The following TCTN1 variants were observed in gnomAD, a reference collection of about 807,000 sequenced individuals.
The protein encoded by TCTN1 is tectonic-1.
In TCTN1, 58 loss-of-function variants were observed where a neutral mutation model predicts 65.8. The observed-to-expected ratio is 0.88, with a 90% CI of 0.71 to 1.10. The LOEUF (loss-of-function observed/expected upper bound fraction) is 1.10. Ranked by LOEUF, TCTN1 falls within the 50% of genes least tolerant of loss-of-function variation. TCTN1 has a pLI of 0.00. For missense variants in TCTN1, 645 were observed against 719.4 expected, an observed-to-expected ratio of 0.90 and a Z score of 1.18; for synonymous variants, 273 against 289.1, an observed-to-expected ratio of 0.94 and a Z score of 0.57.
At chr12:110,646,783 G>C (rs2067333949) in intron 12 of TCTN1, 1 of 236,358 alleles carries the variant, frequency 4.2e-6, no homozygotes, top group South Asian at 5.3e-5. Flanking sequence ...ATTTTAACAT[G>C]ACATGCAATC....
At chr12:110,634,136 A>G (rs1417651729) in intron 5 of TCTN1, among the ~76,000 whole-genome samples, 1 of 152,214 alleles carries the variant, frequency 6.6e-6, no homozygotes, top group African/African-American at 2.4e-5. Flanking sequence ...TATATTGTAC[A>G]TTTGTTTCCA....
rs1309915547 is a variant in TCTN1, at chr12:110,641,673, T to C, written c.1190+46T>C. ...GAGGGTGGATTTATTTCTCTCTCCA[T>C]GTGCGTGGGCTGCACTGCTCTTTAT... is the stretch of plus-strand genomic sequence containing the variant. On this transcript the variant is annotated intron_variant, in intron 10 of 14. Transcript: ENST00000397659. 3.8e-6 allele frequency: 6 copies of C among 1,561,982 alleles called. No individual in the cohort carries two copies. In the African/African-American group the frequency reaches 5.4e-5, roughly 14 times the overall value.
intron 12 of TCTN1, chr12:110,646,449 A>G (rs1202965389): frequency 6.6e-6 from 1 of 152,262 alleles, no homozygotes; most frequent in Middle Eastern, 3.4e-3. Context: ...GAATAGTACC[A>G]TGGAGTCCCC....
intron 4 of TCTN1, chr12:110,629,277 A>G (rs536297926): frequency 1.3e-5 from 4 of 318,524 alleles, no homozygotes; most frequent in Admixed American, 4.6e-5. Context: ...GCTTCTGCAC[A>G]GCAAAAGAAA....
intron 9 of TCTN1, 119 bp from the exon 10 acceptor site, chr12:110,641,423 G>A (rs2066943742): frequency 2.9e-6 from 3 of 1,045,140 alleles, no homozygotes; most frequent in Non-Finnish European, 4.4e-6. Context: ...GAGTAGGGAG[G>A]GAGAAATTCT....
chr12:110,626,422 C>T lies in TCTN1; in HGVS notation c.402C>T (p.Asn134=). Residue 134 remains asparagine (N), a synonymous_variant, in exon 3 of 15, where the codon AAC becomes AAT. Coordinates refer to ENST00000397659, the MANE Select transcript of TCTN1 (RefSeq NM_001082538.3). ...TCTATTCATTGAATTTTACAGCAAA[C>T]CCACCTCAAAGAGTATTTGAACTTG... is the stretch of plus-strand genomic sequence containing the variant. ...AVIYSLNFTA[N]PPQRVFELVD... 1.2e-6 allele frequency: 2 copies of T among 1,610,180 alleles called. No homozygotes were observed. The highest frequency in any genetic ancestry group is 1.7e-5 in the Admixed American group (1 of 59,768).
In TCTN1 at chr12:110,649,196, T is replaced by G. The variant is rs2067660967; in HGVS notation, c.*155T>G. On this transcript the variant is annotated 3_prime_UTR_variant, in exon 15 of 15. Coordinates refer to ENST00000397659, the MANE Select transcript of TCTN1 (RefSeq NM_001082538.3). Reference sequence around the variant, plus strand: ...GTTCAACATGAGAAAATGTGATACATTTGATACAGTGTGGGGTGGGAGTGG... The same window carrying G: ...GTTCAACATGAGAAAATGTGATACAGTTGATACAGTGTGGGGTGGGAGTGG... The G allele has an allele frequency of 8.8e-6, 6 of 684,376 alleles. No individual in the cohort carries two copies. The highest frequency in any genetic ancestry group is 1.6e-5 in the Non-Finnish European group (6 of 377,398). 42.4% of individuals were successfully genotyped at this position (684,376 alleles called of 1,614,324 possible). A position where few individuals can be genotyped will look rare whatever the true frequency, so the allele number is the denominator to read the frequency against.
rs758668268 is a variant in TCTN1, at chr12:110,614,236, C to T, written c.54C>T (p.Ala18=). The T allele has an allele frequency of 1.6e-5, 25 of 1,590,704 alleles. No individual in the cohort carries two copies. Among genetic ancestry groups the T allele is most frequent in the South Asian group, 5.7e-5 (5 of 87,688 alleles). Residue 18 remains alanine (A), a synonymous_variant, in exon 1 of 15, where the codon GCC becomes GCT. Transcript: ENST00000397659. ...PLLVVLLGCW[A]SVSAQTDATP... ...TGGTGGTGCTCCTGGGCTGCTGGGC[C>T]TCCGTGAGCGCCCAGACCGATGCCA...
intron 14 of TCTN1, 168 bp from the exon 15 acceptor site, chr12:110,648,875 A>C (rs2067621002): frequency 7.8e-6 from 3 of 383,444 alleles, no homozygotes. Context: ...GGTGGCAGAA[A>C]ACAATGGAGC....
chr12:110,616,049 A>G (rs1268915119), intron 1 of TCTN1, among the ~76,000 whole-genome samples: 2 of 152,232 alleles, frequency 1.3e-5, no homozygotes, highest in Admixed American at 1.3e-4. Flanking sequence ...AATCAGTGAT[A>G]AACTGGGACA....
chr12:110,627,152 C>G (rs1223264201), intron 3 of TCTN1, among the ~76,000 whole-genome samples: 1 of 144,704 alleles, frequency 6.9e-6, no homozygotes, highest in African/African-American at 2.6e-5. Flanking sequence ...GGTTGGAAAG[C>G]AGTGGCACGT....
rs2067155439 is a variant in TCTN1 at position 110,644,313 on chromosome 12, ACT to A, written c.1332-651_1332-650del. 1 of 155,568 alleles carries A rather than the reference ACT, an allele frequency of 6.4e-6. No homozygotes were observed. Among genetic ancestry groups the A allele is most frequent in the African/African-American group, 2.4e-5 (1 of 41,398 alleles). 9.6% of individuals were successfully genotyped at this position (155,568 alleles called of 1,614,324 possible). On this transcript the variant is annotated intron_variant, in intron 11 of 14. Coordinates refer to ENST00000397659, the MANE Select transcript of TCTN1 (RefSeq NM_001082538.3). The surrounding 1 kb of genome is among the most constrained non-coding windows in gnomAD (Gnocchi z 4.6). ...AGGTAAAGATTTTGCAAAGTTAGAGACTCTTTAGCTTCTGTCAGATAATCCCT... is the reference window on the plus strand; with the variant it reads ...AGGTAAAGATTTTGCAAAGTTAGAGACTTTAGCTTCTGTCAGATAATCCCT...
chr12:110,641,624 A>G lies in TCTN1; in HGVS notation c.1187A>G (p.Lys396Arg). The G allele has an allele frequency of 6.2e-7, 1 of 1,613,948 alleles. No homozygotes were observed. The highest frequency in any genetic ancestry group is 8.5e-7 in the Non-Finnish European group (1 of 1,179,840). The change falls in exon 10 of 15, where the codon AAG (lysine) becomes AGG (arginine). Residue 396 changes from lysine (K) to arginine (R), a missense_variant. Transcript: ENST00000397659. ...LPLAAGFQPH[K>R]GSGIIQTTNR... is the part of the protein sequence containing the mutation. ...TTAGCTGCTGGATTCCAGCCTCATAAGGGATATCCTTTTTGGTTCTGTAGA... is the reference window on the plus strand; with the variant it reads ...TTAGCTGCTGGATTCCAGCCTCATAGGGGATATCCTTTTTGGTTCTGTAGA...
In TCTN1 at chr12:110,644,804, T is replaced by G; in HGVS notation, c.1332-163T>G. 7 of 852,754 alleles carry G rather than the reference T, an allele frequency of 8.2e-6. No homozygotes were observed. The South Asian group carries it at 1.0e-4, about 13-fold the overall frequency. 52.8% of individuals were successfully genotyped at this position (852,754 alleles called of 1,614,324 possible). A position where few individuals can be genotyped will look rare whatever the true frequency, so the allele number is the denominator to read the frequency against. On this transcript the variant is annotated intron_variant, in intron 11 of 14. Coordinates refer to ENST00000397659, the MANE Select transcript of TCTN1 (RefSeq NM_001082538.3). This position sits in a 1 kb window ranked among gnomAD's most constrained non-coding sequence, Gnocchi z 4.6. ...TTGCATGAGCCCAGGAGTTTGAGGC[T>G]GCAGGGAGCTATGATGGTGCCACTG...
At chr12:110,632,662 G>A (rs765317121) in intron 5 of TCTN1, 103 bp downstream of exon 5, 64 of 1,219,042 alleles carry the variant, frequency 5.3e-5, no homozygotes, top group Admixed American at 2.1e-4. Context: ...GACCAAAATC[G>A]CAATTATTTT....
At chr12:110,618,792 CTTAT>C (rs1181057626) in intron 1 of TCTN1, among the ~76,000 whole-genome samples, 1 of 152,068 alleles carries the variant, frequency 6.6e-6, no homozygotes, top group African/African-American at 2.4e-5. Context: ...TTTTCTTGTC[CTTAT>C]TTGACAGAAT....
At chr12:110,641,908 A>G (rs2066984734) in intron 10 of TCTN1, 1 of 558,938 alleles carries the variant, frequency 1.8e-6, no homozygotes, top group African/African-American at 1.9e-5. Flanking sequence ...ATTAAGCCAC[A>G]AAATATGTCA....
chr12:110,635,274 C>G (rs2066483067), intron 6 of TCTN1, among the ~76,000 whole-genome samples: 1 of 152,078 alleles, frequency 6.6e-6, no homozygotes, highest in Non-Finnish European at 1.5e-5. Context: ...AGTGACTGAA[C>G]CCTAAACTGA....
chr12:110,618,895 G>T (rs2065230310), intron 1 of TCTN1, among the ~76,000 whole-genome samples: 1 of 151,970 alleles, frequency 6.6e-6, no homozygotes, highest in African/African-American at 2.4e-5. Context: ...AGTTGACCAG[G>T]AGTGGTGGCT....
Sources: allele counts gnomAD v4.1 joint callset (sites outside exome capture counted in the v4.1 genomes callset), GRCh38; gene constraint gnomAD v4.1.1; non-coding constraint Gnocchi (gnomAD v3.1); transcripts MANE v1.5; gene names NCBI Gene and HGNC (gene_info 2026-07-23, HGNC 2026-07-21).